The following MYH8 variants were observed in gnomAD, a reference collection of about 807,000 sequenced individuals.
MYH8 encodes myosin heavy chain 8.
A neutral mutation model predicts 233.2 loss-of-function variants in MYH8; 168 were observed. The ratio of observed to expected loss-of-function variants is 0.72; its 90% confidence interval spans 0.64 to 0.82. The LOEUF is 0.82. MYH8 is among the 40% of genes least tolerant of loss of function. MYH8 has a pLI of 0.00. For synonymous variants in MYH8, 785 were observed against 850.6 expected (o/e 0.92, Z 1.34); for missense variants, 1,995 against 2,327.8 (o/e 0.86, Z 2.94).
rs530122937 is a variant in MYH8, at chr17:10,392,223, A to G, written c.5569-246T>C. The stretch of plus-strand genomic sequence containing the variant: ...CCCATCCGGGAAAATAGACACTGTT[A>G]TCTCTATTTTACAGGTGAAGAAACT... On this transcript the variant is annotated intron_variant, in intron 38 of 39. Coordinates refer to ENST00000403437, the MANE Select transcript of MYH8 (RefSeq NM_002472.3). Among the ~76,000 whole-genome samples, 86 of 152,330 alleles carry G rather than the reference A, an allele frequency of 5.6e-4. 1 individual carries two copies. The highest frequency in any genetic ancestry group is 1.9e-3 in the African/African-American group (78 of 41,584).
In MYH8 at chr17:10,401,451, C is replaced by T. The variant is rs1164569278; in HGVS notation, c.2932G>A (p.Val978Met). 1.2e-6 allele frequency: 2 copies of T among 1,613,898 alleles called. No individual in the cohort carries two copies. Among genetic ancestry groups the T allele is most frequent in the Non-Finnish European group, 1.7e-6 (2 of 1,180,020 alleles). ...EKEKHATENK[V>M]KNLTEEMAGL... ...GCCATCTCTTCTGTAAGATTTTTCA[C>T]CTACAAAGGTTAAGAAAGAGATTAT... The change falls in exon 24 of 40, where the codon GTG becomes ATG. Residue 978 changes from valine to methionine, a missense_variant and splice_region_variant. Transcript: ENST00000403437.
At chr17:10,414,334 C>T (rs1352358950) in intron 10 of MYH8, 39 bp from the exon 11 acceptor site, 2 of 1,602,388 alleles carry the variant, frequency 1.2e-6, no homozygotes, top group South Asian at 1.1e-5. Context: ...TTACATTAGA[C>T]ATTGTTAATA....
Position 10,400,764 on chromosome 17 carries a change from G to T in MYH8, c.3361C>A (p.Leu1121Met), listed in dbSNP as rs768705671. 3 of 1,613,962 alleles carry T rather than the reference G, an allele frequency of 1.9e-6. No homozygotes were observed. The African/African-American group carries it at 4.0e-5, about 22-fold the overall frequency. Residue 1121 changes from leucine (L) to methionine (M), a missense_variant, in exon 27 of 40, where the codon CTG (leucine) becomes ATG (methionine). This residue lies in a region of MYH8 where 1,498 missense variants were observed against 1,680.9 expected (regional missense o/e 0.89). Coordinates refer to ENST00000403437, the MANE Select transcript of MYH8 (RefSeq NM_002472.3). This position sits in a 1 kb window ranked among gnomAD's most constrained non-coding sequence, Gnocchi z 4.0. ...IKELQARIEE[L>M]GEEIEAERAS... ...CTCTCTGCCTCGATTTCTTCCCCCA[G>T]CTCCTCAATGCGGGCCTGGGAATGA...
In MYH8 at chr17:10,415,415, GGACTC is replaced by G. The variant is rs777110342; in HGVS notation, c.649-36_649-32del. On this transcript the variant is annotated intron_variant, in intron 7 of 39. Transcript: ENST00000403437. The surrounding 1 kb of genome is among the most constrained non-coding windows in gnomAD (Gnocchi z 4.1). ...AAGGAAGGAGCAGTTCTCACATCTG[GGACTC>G]CAGATGTCTGAGAGCCTTGACAGAG... 9.3e-6 allele frequency: 15 copies of G among 1,613,270 alleles called. No individual in the cohort carries two copies. Among genetic ancestry groups the G allele is most frequent in the Middle Eastern group, 3.3e-4 (2 of 6,062 alleles).
At chr17:10,402,247 T>G (rs1343746790) in intron 22 of MYH8, among the ~76,000 whole-genome samples, 1 of 152,194 alleles carries the variant, frequency 6.6e-6, no homozygotes, top group Non-Finnish European at 1.5e-5. Flanking sequence ...TGGTTAGTTT[T>G]GGTTTTGATC....
chr17:10,393,320 T>A, intron 35 of MYH8, 110 bp from the exon 36 acceptor site: 2 of 1,375,576 alleles, frequency 1.5e-6, no homozygotes, highest in South Asian at 1.2e-5. Flanking sequence ...AACATTTCAC[T>A]AAACTTTAAT....
Position 10,392,654 on chromosome 17 carries a change from CA to C in MYH8, c.5464-9del. On this transcript the variant is annotated splice_polypyrimidine_tract_variant and intron_variant, in intron 37 of 39. Coordinates refer to ENST00000403437, the MANE Select transcript of MYH8 (RefSeq NM_002472.3). ...TCCTTCAAGCTCACGTACCTGCAGCCAAGAAAAATACTTACGCAGTCAGTCT... is the reference window on the plus strand; with the variant it reads ...TCCTTCAAGCTCACGTACCTGCAGCCAGAAAAATACTTACGCAGTCAGTCT... 1 of 1,614,070 alleles carries C rather than the reference CA, an allele frequency of 6.2e-7. No homozygotes were observed. The highest frequency in any genetic ancestry group is 8.5e-7 in the Non-Finnish European group (1 of 1,179,972).
chr17:10,406,957 G>A lies in MYH8; in HGVS notation c.1988C>T (p.Thr663Met), dbSNP rs139649943. Reference sequence around the variant, plus strand: ...GTGAGGGTGTGTGCTCCTCAGATTCGTCATCAATTTATTTAAATTTTCCTA... The same window carrying A: ...GTGAGGGTGTGTGCTCCTCAGATTCATCATCAATTTATTTAAATTTTCCTA... Reference protein sequence around the residue: ...LFRENLNKLMTNLRSTHPHFV... With the variant: ...LFRENLNKLMMNLRSTHPHFV... The change falls in exon 18 of 40, where the codon ACG becomes ATG. Residue 663 changes from threonine to methionine, a missense_variant. Physicochemically the swap from Thr to Met is moderately conservative, Grantham distance 81 (BLOSUM62 -1). Around this residue, in one of 3 missense-constraint regions of MYH8, gnomAD observed 1,498 missense variants for 1,680.9 expected, o/e 0.89. Coordinates refer to ENST00000403437, the MANE Select transcript of MYH8 (RefSeq NM_002472.3). The A allele has an allele frequency of 1.3e-5, 21 of 1,613,700 alleles. No homozygotes were observed. The highest frequency in any genetic ancestry group is 1.6e-4 in the Middle Eastern group (1 of 6,084).
At position 10,415,612 on chromosome 17, in the gene MYH8, G is replaced by A. The variant is rs111762445; in HGVS notation, c.540-32C>T. 16 of 1,613,706 alleles carry A rather than the reference G, an allele frequency of 9.9e-6. No homozygotes were observed. The highest frequency in any genetic ancestry group is 6.7e-5 in the African/African-American group (5 of 75,016). The stretch of plus-strand genomic sequence containing the variant: ...AACAGAAATCAGAGAAGAGATCAGA[G>A]AACTATGGCCTGCATTGTCAACATC... On this transcript the variant is annotated intron_variant, in intron 6 of 39. Coordinates refer to ENST00000403437, the MANE Select transcript of MYH8 (RefSeq NM_002472.3). This position sits in a 1 kb window ranked among gnomAD's most constrained non-coding sequence, Gnocchi z 4.1.
rs2072086717 is a variant in MYH8 at position 10,397,086 on chromosome 17, T to C, written c.4179-100A>G. Reference sequence around the variant, plus strand: ...ACAGTCCTATTTCTTTTCTTTTCTTTTGTTTCTTTTTTTGAGAGACGGAGT... The same window carrying C: ...ACAGTCCTATTTCTTTTCTTTTCTTCTGTTTCTTTTTTTGAGAGACGGAGT... On this transcript the variant is annotated intron_variant, in intron 30 of 39. Coordinates refer to ENST00000403437, the MANE Select transcript of MYH8 (RefSeq NM_002472.3). 9 of 1,380,588 alleles carry C rather than the reference T, an allele frequency of 6.5e-6. No homozygotes were observed. In the South Asian group the frequency reaches 1.0e-4, roughly 15 times the overall value. 85.5% of individuals were successfully genotyped at this position (1,380,588 alleles called of 1,614,324 possible). A position where few individuals can be genotyped will look rare whatever the true frequency, so the allele number is the denominator to read the frequency against.
At chr17:10,402,375 A>G (rs748547050) in intron 22 of MYH8, among the ~76,000 whole-genome samples, 1 of 152,210 alleles carries the variant, frequency 6.6e-6, no homozygotes, top group Non-Finnish European at 1.5e-5. Flanking sequence ...CCTTCCTGGT[A>G]GTTCATACAG....
rs998186577 is a variant in MYH8, at chr17:10,394,402, C to T, written c.5013G>A (p.Lys1671=). 1.2e-6 allele frequency: 2 copies of T among 1,614,044 alleles called. No homozygotes were observed. The highest frequency in any genetic ancestry group is 1.3e-5 in the African/African-American group (1 of 74,904). ...DDALRGQEDL[K]EQLAIVERRA... ...TGCGCTCCACAATTGCCAGCTGTTCCTTGAGGTCCTCCTGGCCCCGGAGAG... is the reference window on the plus strand; with the variant it reads ...TGCGCTCCACAATTGCCAGCTGTTCTTTGAGGTCCTCCTGGCCCCGGAGAG... Residue 1671 remains lysine (K), a synonymous_variant, in exon 35 of 40, where the codon AAG becomes AAA. Transcript: ENST00000403437.
chr17:10,421,391 C>T (rs1448999939), intron 2 of MYH8, among the ~76,000 whole-genome samples: 1 of 152,148 alleles, frequency 6.6e-6, no homozygotes, highest in African/African-American at 2.4e-5. Flanking sequence ...AGTCTATTGC[C>T]ACTGGACAGT....
Position 10,400,984 on chromosome 17 carries a change from T to TTAA in MYH8, c.3255-28_3255-26dup. On this transcript the variant is annotated intron_variant, in intron 25 of 39. Coordinates refer to ENST00000403437, the MANE Select transcript of MYH8 (RefSeq NM_002472.3). This position sits in a 1 kb window ranked among gnomAD's most constrained non-coding sequence, Gnocchi z 4.0. ...CCTTTAGACAGAAGAGCAAGACGTA[T>TTAA]TAATACTCATGTGAATTGAAAGATG... 6.2e-7 allele frequency: 1 copy of TTAA among 1,613,632 alleles called. No homozygotes were observed. Among genetic ancestry groups the TTAA allele is most frequent in the Non-Finnish European group, 8.5e-7 (1 of 1,179,630 alleles).
rs373978447 is a variant in MYH8 at position 10,394,390 on chromosome 17, T to G, written c.5025A>C (p.Ala1675=). ...GCAGGTTGGCTCTGCGCTCCACAAT[T>G]GCCAGCTGTTCCTTGAGGTCCTCCT... ...RGQEDLKEQL[A]IVERRANLLQ... is the part of the protein sequence containing the mutation. The change falls in exon 35 of 40, where the codon GCA becomes GCC. Residue 1675 remains alanine (A), a synonymous_variant. Transcript: ENST00000403437. 6.2e-6 allele frequency: 10 copies of G among 1,614,142 alleles called. No homozygotes were observed. The African/African-American group carries it at 1.2e-4, about 19-fold the overall frequency.
At chr17:10,418,598 A>G in intron 5 of MYH8, 47 bp downstream of exon 5, 1 of 1,612,668 alleles carries the variant, frequency 6.2e-7, no homozygotes, top group Non-Finnish European at 8.5e-7. Flanking sequence ...CTGTTCTGCA[A>G]AGATTCTATT....
In MYH8 at chr17:10,415,284, AG is replaced by A. The variant is rs2072279726; in HGVS notation, c.741+7del. The A allele has an allele frequency of 1.2e-6, 2 of 1,612,348 alleles. No individual in the cohort carries two copies. The highest frequency in any genetic ancestry group is 3.3e-5 in the Admixed American group (2 of 60,028). ...CTGGAAGTTAGGGGTTGAGACCAAG[AG>A]ACTCACAAAGCGAGAGGAGTTGTCA... is the stretch of plus-strand genomic sequence containing the variant. On this transcript the variant is annotated splice_region_variant and intron_variant, in intron 8 of 39. Transcript: ENST00000403437. The surrounding 1 kb of genome is among the most constrained non-coding windows in gnomAD (Gnocchi z 4.1).
Position 10,407,213 on chromosome 17 carries a change from G to C in MYH8, c.1966-234C>G, listed in dbSNP as rs138060861. ...TATTCCTTTGTAACACCAGGGATCT[G>C]TCTCATAAACAAATTGCAATTCAGT... On this transcript the variant is annotated intron_variant, in intron 17 of 39. Transcript: ENST00000403437. Among the ~76,000 whole-genome samples the C allele has an allele frequency of 1.8e-3, 276 of 152,282 alleles. 5 individuals are homozygous for C. In the East Asian group the frequency reaches 0.033, roughly 18 times the overall value.
Position 10,415,191 on chromosome 17 carries a change from T to C in MYH8, c.742-12A>G. 1 of 1,610,342 alleles carries C rather than the reference T, an allele frequency of 6.2e-7. No homozygotes were observed. The highest frequency in any genetic ancestry group is 8.5e-7 in the Non-Finnish European group (1 of 1,176,512). On this transcript the variant is annotated splice_polypyrimidine_tract_variant and intron_variant, in intron 8 of 39. Transcript: ENST00000403437. The surrounding 1 kb of genome is among the most constrained non-coding windows in gnomAD (Gnocchi z 4.1). ...CTAATGAATTTACCCTTGAAAAGAA[T>C]ATTTAGTATTAGAAAACTGAAACAC...
Sources: allele counts gnomAD v4.1 joint callset (sites outside exome capture counted in the v4.1 genomes callset), GRCh38; gene constraint gnomAD v4.1.1; regional missense constraint gnomAD v4.1.1; non-coding constraint Gnocchi (gnomAD v3.1); transcripts MANE v1.5; gene names NCBI Gene and HGNC (gene_info 2026-07-23, HGNC 2026-07-21).